The following UGT1A10 variants were observed in gnomAD, a reference collection of about 807,000 sequenced individuals.
The protein encoded by UGT1A10 is UDP glucuronosyltransferase family 1 member A10, also known as UDP-glucuronosyltransferase 1A10.
In UGT1A10, 49 loss-of-function variants were observed where a neutral mutation model predicts 45.8. The ratio of observed to expected loss-of-function variants is 1.07; its 90% CI spans 0.85 to 1.36. The LOEUF is 1.36. Ranked by LOEUF, UGT1A10 falls within the 40% of genes most tolerant of loss-of-function variation. The probability of loss-of-function intolerance (pLI) is 0.00; values close to 1 mark genes in which losing one functional copy is unlikely to be tolerated. For synonymous variants in UGT1A10, 284 were observed against 249.7 expected (o/e 1.14, Z -1.29); for missense variants, 745 against 668.6 (o/e 1.11, Z -1.26).
At chr2:233,705,712 T>A (rs2125601451) in intron 1 of UGT1A10, among the ~76,000 whole-genome samples, 1 of 152,350 alleles carries the variant, frequency 6.6e-6, no homozygotes, top group Admixed American at 6.5e-5. Flanking sequence ...ACCAGTATAT[T>A]GTTATCTTTT....
At chr2:233,770,709 G>A (rs1700141819) in intron 4 of UGT1A10, 2 of 151,546 alleles carry the variant, frequency 1.3e-5, no homozygotes, top group East Asian at 3.9e-4. Context: ...TAAGGTTTAT[G>A]TAAAAGGAAG....
rs755218546 is a variant in UGT1A10 at position 233,767,936 on chromosome 2, G to A, written c.1075G>A (p.Gly359Ser). The A allele has an allele frequency of 2.4e-5, 38 of 1,614,052 alleles. No homozygotes were observed. In the South Asian group the frequency reaches 4.2e-4, roughly 18 times the overall value. Residue 359 changes from glycine (G) to serine (S), a missense_variant and splice_region_variant, in exon 3 of 5, where the codon GGT becomes AGT. Coordinates refer to ENST00000344644, the MANE Select transcript of UGT1A10 (RefSeq NM_019075.4). ...GTGGCTACCCCAAAACGATCTGCTT[G>A]GTATGTTGGGCGGATTGGATGTATA... ...VKWLPQNDLL[G>S]HPMTRAFITH...
chr2:233,766,415 C>T (rs1416459239), intron 1 of UGT1A10, among the ~76,000 whole-genome samples: 1 of 152,164 alleles, frequency 6.6e-6, no homozygotes, highest in Admixed American at 6.5e-5. Context: ...CTGATGTGCT[C>T]CTCCCGATGT....
intron 1 of UGT1A10, chr2:233,754,831 A>G (rs1459496565): frequency 1.5e-6 from 2 of 1,342,814 alleles, no homozygotes; most frequent in Non-Finnish European, 2.0e-6. Flanking sequence ...AAAGCTGGAA[A>G]TTCACTGAAG....
At chr2:233,735,047 G>A (rs1460443849) in intron 1 of UGT1A10, among the ~76,000 whole-genome samples, 1 of 152,202 alleles carries the variant, frequency 6.6e-6, no homozygotes, top group Non-Finnish European at 1.5e-5. Context: ...GTGCAGAGCT[G>A]AGTTCAGGTC....
Position 233,769,638 on chromosome 2 carries a change from A to C in UGT1A10, c.1295+1199A>C. 1 of 1,610,122 alleles carries C rather than the reference A, an allele frequency of 6.2e-7. No homozygotes were observed. On this transcript the variant is annotated intron_variant, in intron 4 of 4. Transcript: ENST00000344644. This position sits in a 1 kb window ranked among gnomAD's most constrained non-coding sequence, Gnocchi z 4.4. ...CTTGAGCAAGGGACAACAGGGGAGGACTGATGACTGACTTCCCACCTTTGA... is the reference window on the plus strand; with the variant it reads ...CTTGAGCAAGGGACAACAGGGGAGGCCTGATGACTGACTTCCCACCTTTGA...
chr2:233,719,373 A>G (rs772532709), intron 1 of UGT1A10: 4 of 1,613,970 alleles, frequency 2.5e-6, no homozygotes. Flanking sequence ...CTTTAAGGGC[A>G]CACAGTGTCC....
At chr2:233,719,992 A>G (rs1452889114) in intron 1 of UGT1A10, among the ~76,000 whole-genome samples, 2 of 152,184 alleles carry the variant, frequency 1.3e-5, no homozygotes, top group African/African-American at 4.8e-5. Flanking sequence ...GATCAGGGAC[A>G]CTACATTCAG....
At chr2:233,765,419 T>G (rs970448073) in intron 1 of UGT1A10, among the ~76,000 whole-genome samples, 3 of 152,166 alleles carry the variant, frequency 2.0e-5, no homozygotes, top group Non-Finnish European at 4.4e-5. Context: ...TGGAATACTA[T>G]GCAGCCATAA....
At chr2:233,671,980 C>T in intron 1 of UGT1A10, 3 of 1,614,038 alleles carry the variant, frequency 1.9e-6, no homozygotes, top group Non-Finnish European at 2.5e-6. Flanking sequence ...ATGTGTGTGT[C>T]TGCTGCTGAC....
chr2:233,718,206 A>G (rs2076639906), intron 1 of UGT1A10, among the ~76,000 whole-genome samples: 1 of 152,138 alleles, frequency 6.6e-6, no homozygotes, highest in Non-Finnish European at 1.5e-5. Context: ...GCTTTTTTTT[A>G]TATTGACAGC....
chr2:233,747,406 T>C (rs111706856), intron 1 of UGT1A10: 83,939 of 1,606,544 alleles, frequency 0.052, 2,713 homozygotes, highest in Non-Finnish European at 0.063. Flanking sequence ...ACCCCAGAGG[T>C]GAATATGCAC....
At chr2:233,677,756 G>A (rs1282372066) in intron 1 of UGT1A10, among the ~76,000 whole-genome samples, 1 of 151,930 alleles carries the variant, frequency 6.6e-6, no homozygotes, top group Non-Finnish European at 1.5e-5. Flanking sequence ...ATCCCCTGTG[G>A]GAAGTAGTTT....
chr2:233,702,531 T>C (rs1221422029), intron 1 of UGT1A10, among the ~76,000 whole-genome samples: 1 of 152,214 alleles, frequency 6.6e-6, no homozygotes, highest in Non-Finnish European at 1.5e-5. Flanking sequence ...ATTCTTATCT[T>C]GTTCCTGATC....
Position 233,712,193 on chromosome 2 carries a change from C to A in UGT1A10, c.856-54841C>A, listed in dbSNP as rs144263331. Reference sequence around the variant, plus strand: ...ATCTGAGGCCAGGCTCCAGCTCCCCCGGTCCCTTGGTGAGCAGGAGCTCCC... The same window carrying A: ...ATCTGAGGCCAGGCTCCAGCTCCCCAGGTCCCTTGGTGAGCAGGAGCTCCC... On this transcript the variant is annotated intron_variant, in intron 1 of 4. Transcript: ENST00000344644. Among the ~76,000 whole-genome samples the A allele has an allele frequency of 5.1e-3, 772 of 152,336 alleles. 4 individuals carry two copies. The highest frequency in any genetic ancestry group is 8.4e-3 in the Non-Finnish European group (571 of 68,036).
intron 1 of UGT1A10, among the ~76,000 whole-genome samples, chr2:233,724,261 G>T: frequency 1.0e-5 from 1 of 98,912 alleles, no homozygotes; most frequent in African/African-American, 4.1e-5. Context: ...CTCACCTCCC[G>T]GACGGGGCGG....
At chr2:233,759,465 A>T (rs1383052277) in intron 1 of UGT1A10, among the ~76,000 whole-genome samples, 2 of 152,106 alleles carry the variant, frequency 1.3e-5, no homozygotes, top group Non-Finnish European at 2.9e-5. Flanking sequence ...GCCACTCAAG[A>T]TCTATCTTAC....
At chr2:233,686,284 T>C (rs749400272) in intron 1 of UGT1A10, among the ~76,000 whole-genome samples, 8 of 151,910 alleles carry the variant, frequency 5.3e-5, no homozygotes, top group Admixed American at 1.3e-4. Flanking sequence ...TACAAGAAAC[T>C]AAAACAAGAA....
chr2:233,700,921 G>C (rs557819327), intron 1 of UGT1A10, among the ~76,000 whole-genome samples: 1 of 151,366 alleles, frequency 6.6e-6, no homozygotes, highest in South Asian at 2.1e-4. Context: ...CTCTTCCTGT[G>C]TCTGTGTGTG....
Sources: allele counts gnomAD v4.1 joint callset (sites outside exome capture counted in the v4.1 genomes callset), GRCh38; gene constraint gnomAD v4.1.1; non-coding constraint Gnocchi (gnomAD v3.1); transcripts MANE v1.5; gene names NCBI Gene and HGNC (gene_info 2026-07-23, HGNC 2026-07-21).